The following ACSM1 variants were observed in gnomAD, a reference collection of about 807,000 sequenced individuals.
The protein encoded by ACSM1 is acyl-CoA synthetase medium chain family member 1, also known as acyl-coenzyme A synthetase ACSM1, mitochondrial.
A neutral mutation model predicts 75.8 loss-of-function variants in ACSM1; 79 were observed. The ratio of observed to expected loss-of-function variants is 1.04; its 90% CI spans 0.87 to 1.26. The LOEUF is 1.26. Among genes scored for constraint, ACSM1 ranks in the 50% most tolerant of loss-of-function variants. ACSM1 has a pLI of 0.00. For missense variants in ACSM1, 676 were observed against 720.1 expected (o/e 0.94, Z 0.70); for synonymous variants, 279 against 265.8 (o/e 1.05, Z -0.48).
intron 7 of ACSM1, among the ~76,000 whole-genome samples, chr16:20,646,976 C>T (rs938532727): frequency 3.3e-5 from 5 of 152,158 alleles, no homozygotes; most frequent in African/African-American, 1.2e-4. Context: ...ATGTGGGTGC[C>T]CACCAAACAT....
At position 20,671,548 on chromosome 16, in the gene ACSM1, T is replaced by C; in HGVS notation, c.735A>G (p.Gln245=). 6.2e-7 allele frequency: 1 copy of C among 1,610,192 alleles called. No homozygotes were observed. The highest frequency in any genetic ancestry group is 8.5e-7 in the Non-Finnish European group (1 of 1,178,678). The change falls in exon 5 of 14, where the codon CAA becomes CAG. Residue 245 remains glutamine, a synonymous_variant. Transcript: ENST00000520010. ...TTTCCTACCTTCCTGGGAAGGAGGGTTGTAAGGCCAACCCATGGGAGTGTT... is the reference window on the plus strand; with the variant it reads ...TTTCCTACCTTCCTGGGAAGGAGGGCTGTAAGGCCAACCCATGGGAGTGTT... ...MAKHSHGLAL[Q]PSFPGSRKLR... is the part of the protein sequence containing the mutation.
intron 4 of ACSM1, chr16:20,680,991 T>A (rs2079434022): frequency 6.6e-6 from 1 of 152,170 alleles, no homozygotes; most frequent in Non-Finnish European, 1.5e-5. Context: ...TAGAAGAGCA[T>A]AATCACAAAA....
intron 7 of ACSM1, among the ~76,000 whole-genome samples, chr16:20,642,557 A>C (rs548250053): frequency 2.0e-5 from 3 of 152,332 alleles, no homozygotes; most frequent in Non-Finnish European, 4.4e-5. Flanking sequence ...GGGAGGACAG[A>C]ATATAGCTAA....
intron 10 of ACSM1, among the ~76,000 whole-genome samples, chr16:20,629,978 G>C (rs2017235942): frequency 7.2e-6 from 1 of 138,038 alleles, no homozygotes; most frequent in African/African-American, 2.9e-5. Context: ...GAAACAGAGG[G>C]AGACTCCAAC....
rs150421706 is a variant in ACSM1, at chr16:20,676,650, T to C, written c.612-4979A>G. ...AGAGGCTTAACAAAGGCTAATTTAC[T>C]AGCAGCAGCCCTTATGGGAAGAGAA... On this transcript the variant is annotated intron_variant, in intron 4 of 13. Transcript: ENST00000520010. Among the ~76,000 whole-genome samples, 42 of 152,240 alleles carry C rather than the reference T, an allele frequency of 2.8e-4. 1 individual carries two copies. Among genetic ancestry groups the C allele is most frequent in the African/African-American group, 1.0e-3 (42 of 41,536 alleles).
In ACSM1 at chr16:20,652,766, C is replaced by T. The variant is rs231922; in HGVS notation, c.992+9028G>A. Among the ~76,000 whole-genome samples the T allele has an allele frequency of 7.9e-3, 1,197 of 152,192 alleles. 4 individuals are homozygous for T. The highest frequency in any genetic ancestry group is 0.031 in the Middle Eastern group (9 of 294). On this transcript the variant is annotated intron_variant, in intron 7 of 13. Transcript: ENST00000520010. ...TGAAATTGAGGCAATAAATAATAGC[C>T]TACCAACCAAAAAAGGCCCAGGACC...
chr16:20,684,153 G>GAA (rs2079504753), intron 3 of ACSM1, among the ~76,000 whole-genome samples: 1 of 152,000 alleles, frequency 6.6e-6, no homozygotes, highest in African/African-American at 2.4e-5. Context: ...AAAGGGGAAG[G>GAA]GAAATCTCTA....
In ACSM1 at chr16:20,661,788, C is replaced by T. The variant is rs780974879; in HGVS notation, c.992+6G>A. On this transcript the variant is annotated splice_donor_region_variant and intron_variant, in intron 7 of 13. Transcript: ENST00000520010. ...AAGATGTTGTTACAAGCCACTTCTACCATACCTGGTGAAATCCTGCTGCAG... is the reference window on the plus strand; with the variant it reads ...AAGATGTTGTTACAAGCCACTTCTATCATACCTGGTGAAATCCTGCTGCAG... 3.1e-6 allele frequency: 5 copies of T among 1,603,990 alleles called. No individual in the cohort carries two copies. The African/African-American group carries it at 5.4e-5, about 17-fold the overall frequency.
intron 3 of ACSM1, among the ~76,000 whole-genome samples, chr16:20,684,200 A>G (rs1343149738): frequency 6.6e-6 from 1 of 152,246 alleles, no homozygotes; most frequent in Non-Finnish European, 1.5e-5. Flanking sequence ...ACTGACAGAA[A>G]TAGAAAATTT....
intron 4 of ACSM1, 74 bp downstream of exon 4, chr16:20,682,182 C>T (rs973040913): frequency 6.8e-7 from 1 of 1,460,510 alleles, no homozygotes; most frequent in Non-Finnish European, 9.5e-7. Flanking sequence ...CTCAACCCCA[C>T]TGGTCTCTCT....
intron 7 of ACSM1, among the ~76,000 whole-genome samples, chr16:20,655,422 A>G (rs1245355945): frequency 6.6e-6 from 1 of 151,574 alleles, no homozygotes; most frequent in Non-Finnish European, 1.5e-5. Flanking sequence ...AATAAAATAA[A>G]AAAAGAAAGA....
chr16:20,669,639 A>G (rs1262373345), intron 6 of ACSM1, among the ~76,000 whole-genome samples, 188 bp downstream of exon 6: 1 of 152,168 alleles, frequency 6.6e-6, no homozygotes, highest in African/African-American at 2.4e-5. Context: ...ATTTTCTTCA[A>G]GGTCACATTT....
intron 7 of ACSM1, among the ~76,000 whole-genome samples, chr16:20,643,823 G>A (rs1440947391): frequency 2.0e-5 from 3 of 152,138 alleles, no homozygotes; most frequent in Non-Finnish European, 4.4e-5. Flanking sequence ...GCTGACTGGT[G>A]CATTTACAAT....
intron 10 of ACSM1, among the ~76,000 whole-genome samples, chr16:20,629,865 G>A (rs1484799813): frequency 6.6e-6 from 1 of 151,890 alleles, no homozygotes; most frequent in Non-Finnish European, 1.5e-5. Flanking sequence ...GGTGGTGTGT[G>A]CCTGTAATCC....
Position 20,691,190 on chromosome 16 carries a change from G to T in ACSM1, c.-2C>A. The stretch of plus-strand genomic sequence containing the variant: ...CCGGAACCTCATTAGCCACTGCATG[G>T]TGAAACAGTCCTCAGAAACCAGGCA... On this transcript the variant is annotated 5_prime_UTR_variant, in exon 2 of 14. Coordinates refer to ENST00000520010, the MANE Select transcript of ACSM1 (RefSeq NM_001318890.3). 6.4e-7 allele frequency: 1 copy of T among 1,568,046 alleles called. No homozygotes were observed. Among genetic ancestry groups the T allele is most frequent in the Non-Finnish European group, 8.6e-7 (1 of 1,161,036 alleles).
chr16:20,645,352 C>A (rs2152226617), intron 7 of ACSM1, among the ~76,000 whole-genome samples: 1 of 152,230 alleles, frequency 6.6e-6, no homozygotes, highest in East Asian at 1.9e-4. Flanking sequence ...TCCCTATGTT[C>A]TTTTTTCAGA....
intron 4 of ACSM1, 67 bp from the exon 5 acceptor site, chr16:20,671,738 A>G (rs2019921307): frequency 1.4e-6 from 2 of 1,431,610 alleles, no homozygotes; most frequent in East Asian, 5.0e-5. Context: ...CTGGGAATGC[A>G]AAAGAAACAT....
At chr16:20,670,048 C>T in intron 5 of ACSM1, 62 bp from the exon 6 acceptor site, 1 of 1,563,902 alleles carries the variant, frequency 6.4e-7, no homozygotes, top group East Asian at 2.3e-5. Context: ...AAGGGCTGTG[C>T]ACTCTGGTTT....
intron 13 of ACSM1, among the ~76,000 whole-genome samples, 161 bp downstream of exon 13, chr16:20,623,935 C>T (rs546364153): frequency 6.6e-6 from 1 of 152,284 alleles, no homozygotes; most frequent in Non-Finnish European, 1.5e-5. Flanking sequence ...AGGGCAGGGC[C>T]AAGGAGAGCC....
Sources: gnomAD v4.1 joint callset for allele counts (sites outside exome capture counted in the v4.1 genomes callset) on GRCh38, gnomAD v4.1.1 for gene constraint, MANE v1.5 for transcripts, NCBI Gene and HGNC (gene_info 2026-07-23, HGNC 2026-07-21) for gene names.